KCNJ12: variants seen among roughly 807,000 people sequenced by gnomAD.
KCNJ12 encodes the protein potassium inwardly rectifying channel subfamily J member 12, also known as ATP-sensitive inward rectifier potassium channel 12.
Under a neutral mutation model 22.3 loss-of-function variants are expected in KCNJ12, and 2 were observed. The ratio of observed to expected loss-of-function variants is 0.09; its 90% CI spans 0.04 to 0.28. The LOEUF is 0.28. Ranked by LOEUF, KCNJ12 falls within the 10% of genes least tolerant of loss-of-function variation. The probability of loss-of-function intolerance (pLI) is 1.00; values close to 1 mark genes in which losing one functional copy is unlikely to be tolerated. For missense variants in KCNJ12, 155 were observed against 633.3 expected, an observed-to-expected ratio of 0.24 and a Z score of 8.11; for synonymous variants, 117 against 261.4, an observed-to-expected ratio of 0.45 and a Z score of 5.33.
chr17:21,413,860 C>CTGCCTGCAG (rs1906522795), intron 2 of KCNJ12, among the ~76,000 whole-genome samples: 1 of 152,298 alleles, frequency 6.6e-6, no homozygotes, highest in South Asian at 2.1e-4. Flanking sequence ...CTGCAGTGAG[C>CTGCCTGCAG]TGAGGGTGGT....
At chr17:21,394,462 T>A (rs1350842612) in intron 1 of KCNJ12, among the ~76,000 whole-genome samples, 1 of 152,216 alleles carries the variant, frequency 6.6e-6, no homozygotes, top group African/African-American at 2.4e-5. Flanking sequence ...GATGACACAT[T>A]TCTCAGCATG....
rs782752752 is a variant in KCNJ12, at chr17:21,416,679, G to T, written c.*35G>T. 2.6e-6 allele frequency: 4 copies of T among 1,541,674 alleles called. No individual in the cohort carries two copies. The highest frequency in any genetic ancestry group is 4.0e-5 in the Admixed American group (2 of 50,088). On this transcript the variant is annotated 3_prime_UTR_variant, in exon 3 of 3. Coordinates refer to ENST00000583088, the MANE Select transcript of KCNJ12 (RefSeq NM_021012.5). Reference sequence around the variant, plus strand: ...GGCCGACATGCAGCATCCACCCCCGGCTGGGGAGAGGCCCCGCGGTCGCTC... The same window carrying T: ...GGCCGACATGCAGCATCCACCCCCGTCTGGGGAGAGGCCCCGCGGTCGCTC...
At chr17:21,379,948 A>G (rs576038978) in intron 1 of KCNJ12, among the ~76,000 whole-genome samples, 2 of 152,148 alleles carry the variant, frequency 1.3e-5, no homozygotes, top group South Asian at 2.1e-4. Context: ...CATTAGCTCT[A>G]TTGTGCAGAC....
At position 21,418,510 on chromosome 17, in the gene KCNJ12, A is replaced by G. The variant is rs1906973122; in HGVS notation, c.*1866A>G. 6.0e-6 allele frequency: 1 copy of G among 167,178 alleles called. No individual in the cohort carries two copies. Among genetic ancestry groups the G allele is most frequent in the African/African-American group, 2.4e-5 (1 of 41,406 alleles). 10.4% of individuals were successfully genotyped at this position (167,178 alleles called of 1,614,324 possible). A position where few individuals can be genotyped will look rare whatever the true frequency, so the allele number is the denominator to read the frequency against. On this transcript the variant is annotated 3_prime_UTR_variant, in exon 3 of 3. Coordinates refer to ENST00000583088, the MANE Select transcript of KCNJ12 (RefSeq NM_021012.5). ...CTTCCCTCCACCTCCTCCCCTCCTT[A>G]GCAGCTGAAGACTCAGCCCTGAGGT... is the stretch of plus-strand genomic sequence containing the variant.
At chr17:21,389,434 C>T (rs891601570) in intron 1 of KCNJ12, among the ~76,000 whole-genome samples, 3 of 152,248 alleles carry the variant, frequency 2.0e-5, no homozygotes, top group Non-Finnish European at 4.4e-5. Context: ...TACCACATCC[C>T]GGAGCCCTGG....
intron 1 of KCNJ12, among the ~76,000 whole-genome samples, chr17:21,377,582 C>T (rs973562723): frequency 6.6e-6 from 1 of 152,204 alleles, no homozygotes; most frequent in Non-Finnish European, 1.5e-5. Flanking sequence ...CCAGGGTCCA[C>T]CCTGCGCGCG....
chr17:21,392,555 GCT>G (rs1905235921), intron 1 of KCNJ12, among the ~76,000 whole-genome samples: 2 of 152,266 alleles, frequency 1.3e-5, no homozygotes, highest in South Asian at 4.1e-4. Flanking sequence ...CCCCACCAGG[GCT>G]GCACCCGGCA....
intron 1 of KCNJ12, among the ~76,000 whole-genome samples, chr17:21,402,340 T>C (rs35258542): frequency 2.3e-3 from 348 of 152,228 alleles, no homozygotes; most frequent in Non-Finnish European, 3.6e-3. Context: ...TCTTTTTTTT[T>C]CCTCAGCCTG....
intron 1 of KCNJ12, among the ~76,000 whole-genome samples, chr17:21,396,736 G>C (rs1905379194): frequency 6.6e-6 from 1 of 152,222 alleles, no homozygotes. Flanking sequence ...CTGGACCCCT[G>C]GAGTCACCAG....
chr17:21,384,933 C>T (rs1015920814), intron 1 of KCNJ12, among the ~76,000 whole-genome samples: 5 of 151,980 alleles, frequency 3.3e-5, no homozygotes, highest in Admixed American at 2.0e-4. Flanking sequence ...CCACCGCGCC[C>T]GGCTAATTTT....
chr17:21,384,939 A>AT (rs376719195), intron 1 of KCNJ12, among the ~76,000 whole-genome samples: 8 of 150,254 alleles, frequency 5.3e-5, no homozygotes, highest in East Asian at 2.0e-4. Context: ...CGCCCGGCTA[A>AT]TTTTTTTTTG....
intron 1 of KCNJ12, among the ~76,000 whole-genome samples, chr17:21,380,038 CA>C (rs1483686287): frequency 2.6e-5 from 4 of 152,156 alleles, no homozygotes; most frequent in African/African-American, 9.7e-5. Flanking sequence ...TTCCCAGGGA[CA>C]GAACTGCACC....
At chr17:21,392,146 C>T (rs1038775106) in intron 1 of KCNJ12, among the ~76,000 whole-genome samples, 9 of 152,210 alleles carry the variant, frequency 5.9e-5, no homozygotes, top group African/African-American at 2.2e-4. Context: ...TAGGCAGAGC[C>T]TTCCTGAGCC....
chr17:21,398,173 C>T (rs1435043648), intron 1 of KCNJ12, among the ~76,000 whole-genome samples: 2 of 151,996 alleles, frequency 1.3e-5, no homozygotes, highest in African/African-American at 4.8e-5. Flanking sequence ...ATCCCCAGGT[C>T]GATAGCCCCA....
intron 1 of KCNJ12, among the ~76,000 whole-genome samples, chr17:21,392,564 G>A (rs1043561020): frequency 2.0e-5 from 3 of 152,254 alleles, no homozygotes; most frequent in Non-Finnish European, 2.9e-5. Flanking sequence ...GGCTGCACCC[G>A]GCACTGGCCT....
chr17:21,381,481 C>T (rs538682648), intron 1 of KCNJ12, among the ~76,000 whole-genome samples: 10 of 151,998 alleles, frequency 6.6e-5, no homozygotes, highest in South Asian at 2.1e-4. Flanking sequence ...GCTCCCTCCC[C>T]GGGGCCACGC....
chr17:21,411,899 C>T (rs1444718215), intron 2 of KCNJ12, among the ~76,000 whole-genome samples: 3 of 152,312 alleles, frequency 2.0e-5, no homozygotes, highest in Non-Finnish European at 2.9e-5. Context: ...GAGACATTGT[C>T]TAGCTTGTGG....
At position 21,418,128 on chromosome 17, in the gene KCNJ12, C is replaced by T. The variant is rs1906950308; in HGVS notation, c.*1484C>T. On this transcript the variant is annotated 3_prime_UTR_variant, in exon 3 of 3. Coordinates refer to ENST00000583088, the MANE Select transcript of KCNJ12 (RefSeq NM_021012.5). ...GGGGTCCCCTTGTTGTCACTGCTGGCTCTGCCACCCCATCTTGTTCATGGC... is the reference window on the plus strand; with the variant it reads ...GGGGTCCCCTTGTTGTCACTGCTGGTTCTGCCACCCCATCTTGTTCATGGC... 6.0e-6 allele frequency: 1 copy of T among 167,088 alleles called. No individual in the cohort carries two copies. The highest frequency in any genetic ancestry group is 1.5e-5 in the Non-Finnish European group (1 of 68,232). 10.4% of individuals were successfully genotyped at this position (167,088 alleles called of 1,614,324 possible). A position where few individuals can be genotyped will look rare whatever the true frequency, so the allele number is the denominator to read the frequency against.
intron 1 of KCNJ12, among the ~76,000 whole-genome samples, chr17:21,377,368 C>G (rs1904697637): frequency 6.6e-6 from 1 of 152,184 alleles, no homozygotes; most frequent in East Asian, 1.9e-4. Flanking sequence ...TGAGCCGCCC[C>G]GAGAATGCCT....
Sources: gnomAD v4.1 joint callset for allele counts (sites outside exome capture counted in the v4.1 genomes callset) on GRCh38, gnomAD v4.1.1 for gene constraint, MANE v1.5 for transcripts, NCBI Gene and HGNC (gene_info 2026-07-23, HGNC 2026-07-21) for gene names.